GNB4: variants seen among roughly 807,000 people sequenced by gnomAD.
GNB4 encodes guanine nucleotide-binding protein subunit beta-4.
A neutral mutation model predicts 45.2 loss-of-function variants in GNB4; 28 were observed. The observed-to-expected ratio is 0.62, with a 90% CI of 0.46 to 0.85. The LOEUF (loss-of-function observed/expected upper bound fraction) is 0.85, where lower values mean the gene tolerates loss of function less well. GNB4 is among the 40% of genes least tolerant of loss of function. GNB4 has a pLI of 0.00. For missense variants in GNB4, 321 were observed against 425.4 expected, an observed-to-expected ratio of 0.75 and a Z score of 2.16; for synonymous variants, 132 against 143.7, an observed-to-expected ratio of 0.92 and a Z score of 0.58.
chr3:179,444,119 T>G (rs993254694), intron 1 of GNB4, among the ~76,000 whole-genome samples: 2 of 152,174 alleles, frequency 1.3e-5, no homozygotes, highest in African/African-American at 4.8e-5. Context: ...CAAAGATTTT[T>G]TTGCATTAAA....
chr3:179,442,556 T>C (rs1225436956), intron 1 of GNB4, among the ~76,000 whole-genome samples: 1 of 152,200 alleles, frequency 6.6e-6, no homozygotes, highest in African/African-American at 2.4e-5. Context: ...CAAGCATTAT[T>C]ATCTCTTGGA....
At chr3:179,492,085 T>C in the GNB4 span, among the ~76,000 whole-genome samples, 98 of 152,344 alleles carry the variant, frequency 6.4e-4, no homozygotes, top group Non-Finnish European at 5.7e-4. Context: ...ATATTTTACC[T>C]GGGCTCTCAT....
intron 1 of GNB4, among the ~76,000 whole-genome samples, chr3:179,441,946 T>C (rs1221545063): frequency 6.6e-6 from 1 of 151,848 alleles, no homozygotes; most frequent in Non-Finnish European, 1.5e-5. Context: ...TAGCTGAGAT[T>C]ACAGGTGCCC....
intron 9 of GNB4, 118 bp from the exon 10 acceptor site, chr3:179,401,437 C>G: frequency 2.2e-6 from 1 of 457,814 alleles, no homozygotes; most frequent in Non-Finnish European, 3.8e-6. Context: ...GAAAGTTCAT[C>G]AGTTAAAAAA....
chr3:179,415,916 T>C (rs999677583), intron 5 of GNB4, among the ~76,000 whole-genome samples: 2 of 152,200 alleles, frequency 1.3e-5, no homozygotes, highest in African/African-American at 2.4e-5. Context: ...AATACTAATA[T>C]GTATACACAG....
the GNB4 span, among the ~76,000 whole-genome samples, chr3:179,518,197 C>T: frequency 6.6e-6 from 1 of 152,160 alleles, no homozygotes; most frequent in Admixed American, 6.5e-5. Flanking sequence ...TTATTTTCTT[C>T]TGCAATGCTG....
At chr3:179,506,375 C>G in the GNB4 span, among the ~76,000 whole-genome samples, 2 of 152,176 alleles carry the variant, frequency 1.3e-5, no homozygotes, top group East Asian at 3.9e-4. Flanking sequence ...GAAAATTACT[C>G]TAAAACACTA....
chr3:179,482,904 T>C, the GNB4 span, among the ~76,000 whole-genome samples: 1 of 152,184 alleles, frequency 6.6e-6, no homozygotes. Flanking sequence ...CCATAAAAGT[T>C]AGTGGGAACT....
rs1341252890 is a variant in GNB4, at chr3:179,413,475, A to G, written c.636T>C (p.Asp212=). 6.2e-7 allele frequency: 1 copy of G among 1,614,166 alleles called. No individual in the cohort carries two copies. Among genetic ancestry groups the G allele is most frequent in the Non-Finnish European group, 8.5e-7 (1 of 1,179,994 alleles). ...ACTGTCTACACATTCCATCTCGAAT[A>G]TCCCATAATTTGGAAGAGGCATCAC... The part of the protein sequence containing the change: ...GACDASSKLW[D]IRDGMCRQSF... Residue 212 remains aspartate, a synonymous_variant, in exon 8 of 10, where the codon GAT becomes GAC. Coordinates refer to ENST00000232564, the MANE Select transcript of GNB4 (RefSeq NM_021629.4).
At chr3:179,511,384 G>C in the GNB4 span, among the ~76,000 whole-genome samples, 1 of 152,206 alleles carries the variant, frequency 6.6e-6, no homozygotes, top group Non-Finnish European at 1.5e-5. Context: ...TAAGATAATT[G>C]ATTTCAGAGC....
intron 8 of GNB4, among the ~76,000 whole-genome samples, chr3:179,413,208 C>T (rs541467806): frequency 2.0e-5 from 3 of 151,792 alleles, no homozygotes; most frequent in Non-Finnish European, 4.4e-5. Flanking sequence ...AAAAAAAAAT[C>T]CAACAATAAC....
intron 1 of GNB4, among the ~76,000 whole-genome samples, chr3:179,438,544 T>C (rs1395647177): frequency 1.3e-5 from 2 of 152,230 alleles, no homozygotes; most frequent in Non-Finnish European, 2.9e-5. Flanking sequence ...ATATCTACAG[T>C]GATTAATTGA....
chr3:179,454,507 A>G (rs913022793), upstream of GNB4, among the ~76,000 whole-genome samples: 3 of 152,192 alleles, frequency 2.0e-5, no homozygotes, highest in African/African-American at 7.2e-5. Flanking sequence ...TTGCTTCACT[A>G]TGATCAAGTT....
At chr3:179,436,259 G>C (rs1025205193) in intron 1 of GNB4, among the ~76,000 whole-genome samples, 1 of 152,062 alleles carries the variant, frequency 6.6e-6, no homozygotes, top group South Asian at 2.1e-4. Flanking sequence ...TTAGCCAGGC[G>C]CATGCCTATA....
Position 179,419,411 on chromosome 3 carries a change from C to T in GNB4, c.191G>A (p.Gly64Glu). Reference sequence around the variant, plus strand: ...GACAGGTACAAACCTGGAATCGTATCCCCAATGCATAGCATAGATTTTAGC... The same window carrying T: ...GACAGGTACAAACCTGGAATCGTATTCCCAATGCATAGCATAGATTTTAGC... ...HLAKIYAMHW[G>E]YDSRLLVSAS... Residue 64 changes from glycine (G) to glutamate (E), a missense_variant, in exon 4 of 10, where the codon GGA becomes GAA. Coordinates refer to ENST00000232564, the MANE Select transcript of GNB4 (RefSeq NM_021629.4). The T allele has an allele frequency of 6.3e-7, 1 of 1,598,922 alleles. No individual in the cohort carries two copies. Among genetic ancestry groups the T allele is most frequent in the Non-Finnish European group, 8.6e-7 (1 of 1,166,222 alleles).
At chr3:179,453,729 G>A (rs1715937664), upstream of GNB4, among the ~76,000 whole-genome samples, 1 of 151,468 alleles carries the variant, frequency 6.6e-6, no homozygotes, top group Admixed American at 6.6e-5. Flanking sequence ...TGTAGACAAA[G>A]AAATTACTAG....
chr3:179,452,700 T>C (rs1273150678), upstream of GNB4, among the ~76,000 whole-genome samples: 1 of 152,174 alleles, frequency 6.6e-6, no homozygotes, highest in East Asian at 1.9e-4. Flanking sequence ...CTATTTTCTT[T>C]ATCCACAGAT....
At chr3:179,454,705 C>G (rs1715952732), upstream of GNB4, among the ~76,000 whole-genome samples, 1 of 152,172 alleles carries the variant, frequency 6.6e-6, no homozygotes, top group African/African-American at 2.4e-5. Flanking sequence ...AAGAACACAG[C>G]TATTAAAGTG....
At chr3:179,411,149 GAC>G (rs1379669761) in intron 8 of GNB4, among the ~76,000 whole-genome samples, 1 of 152,070 alleles carries the variant, frequency 6.6e-6, no homozygotes, top group African/African-American at 2.4e-5. Flanking sequence ...ACTGCTGAGA[GAC>G]ACCTAGAGGC....
Sources: gnomAD v4.1 joint callset for allele counts (sites outside exome capture counted in the v4.1 genomes callset) on GRCh38, gnomAD v4.1.1 for gene constraint, MANE v1.5 for transcripts, NCBI Gene and HGNC (gene_info 2026-07-23, HGNC 2026-07-21) for gene names.